The following SGCD variants were observed in gnomAD, a reference collection of about 807,000 sequenced individuals.
SGCD encodes delta-sarcoglycan.
In SGCD, 18 loss-of-function variants were observed where a neutral mutation model predicts 36.6. The observed-to-expected ratio is 0.49, with a 90% CI of 0.34 to 0.73. The LOEUF is 0.73. SGCD is among the 30% of genes least tolerant of loss of function. The pLI is 0.01. For missense variants in SGCD, 387 were observed against 346.7 expected, an observed-to-expected ratio of 1.12 and a Z score of -0.92; for synonymous variants, 133 against 130.6, an observed-to-expected ratio of 1.02 and a Z score of -0.12.
At chr5:156,503,597 C>T (rs4588577) in intron 3 of SGCD, among the ~76,000 whole-genome samples, 23,347 of 151,980 alleles carry the variant, frequency 0.15, 2,229 homozygotes, top group East Asian at 0.23. Context: ...CTAATGACTA[C>T]GAATGTAAAG....
At chr5:156,049,501 T>C (rs1759860889) in intron 1 of SGCD, among the ~76,000 whole-genome samples, 1 of 146,122 alleles carries the variant, frequency 6.8e-6, no homozygotes, top group South Asian at 2.1e-4. Context: ...TTTATTTAAT[T>C]GAGCAGTGGT....
At chr5:155,899,276 A>C (rs1046295176) in intron 1 of SGCD, among the ~76,000 whole-genome samples, 4 of 152,236 alleles carry the variant, frequency 2.6e-5, no homozygotes, top group African/African-American at 9.6e-5. Context: ...TTTTCCCTGG[A>C]AATTAACTTT....
intron 6 of SGCD, among the ~76,000 whole-genome samples, chr5:156,614,304 G>C (rs377232253): frequency 3.9e-5 from 6 of 152,242 alleles, no homozygotes; most frequent in East Asian, 1.9e-4. Context: ...ATAATAACTT[G>C]TCCAAAGTTC....
chr5:156,174,971 A>C (rs1463586630), intron 3 of SGCD, among the ~76,000 whole-genome samples: 1 of 152,230 alleles, frequency 6.6e-6, no homozygotes, highest in African/African-American at 2.4e-5. Context: ...GATTTTAAAA[A>C]AAAGATCAAA....
At chr5:156,743,108 C>CT (rs56296250) in intron 7 of SGCD, among the ~76,000 whole-genome samples, 25 of 110,328 alleles carry the variant, frequency 2.3e-4, no homozygotes, top group South Asian at 6.1e-4. Context: ...CTTCCTACAT[C>CT]TTTTTTTTTT....
At chr5:156,330,064 G>A (rs546522641) in intron 2 of SGCD, among the ~76,000 whole-genome samples, 1 of 148,216 alleles carries the variant, frequency 6.7e-6, no homozygotes, top group Admixed American at 6.7e-5. Context: ...ATACTACATC[G>A]TTGGTTGTAC....
At chr5:156,025,694 G>A (rs1372966481) in intron 1 of SGCD, among the ~76,000 whole-genome samples, 1 of 152,118 alleles carries the variant, frequency 6.6e-6, no homozygotes, top group Non-Finnish European at 1.5e-5. Flanking sequence ...GTATTATGTT[G>A]TATTATTTTG....
chr5:156,573,593 G>A (rs1235017757), intron 4 of SGCD, among the ~76,000 whole-genome samples: 3 of 152,136 alleles, frequency 2.0e-5, no homozygotes, highest in Admixed American at 6.6e-5. Flanking sequence ...CTATGGAACC[G>A]TCAGACACCT....
At chr5:156,279,979 A>G (rs1170080544) in intron 3 of SGCD, among the ~76,000 whole-genome samples, 1 of 150,970 alleles carries the variant, frequency 6.6e-6, no homozygotes, top group Non-Finnish European at 1.5e-5. Flanking sequence ...TGAAACACAC[A>G]TACAAACACA....
chr5:156,142,805 C>G (rs1208104942), intron 3 of SGCD, among the ~76,000 whole-genome samples: 1 of 152,082 alleles, frequency 6.6e-6, no homozygotes, highest in African/African-American at 2.4e-5. Context: ...AATAAATGAC[C>G]TGAAACTGGA....
chr5:156,113,348 T>TA (rs1761834642), intron 1 of SGCD, among the ~76,000 whole-genome samples: 2 of 152,182 alleles, frequency 1.3e-5, no homozygotes, highest in African/African-American at 4.8e-5. Context: ...TTTATTTATT[T>TA]ATCTGGCACA....
intron 1 of SGCD, among the ~76,000 whole-genome samples, chr5:155,939,439 G>C (rs184628944): frequency 6.6e-6 from 1 of 151,970 alleles, no homozygotes; most frequent in Non-Finnish European, 1.5e-5. Context: ...TCAGGAGTTC[G>C]AGACAAGCCT....
At chr5:156,457,216 A>G (rs1359956206) in intron 3 of SGCD, among the ~76,000 whole-genome samples, 2 of 152,208 alleles carry the variant, frequency 1.3e-5, no homozygotes, top group Non-Finnish European at 2.9e-5. Context: ...AAAAATACAA[A>G]TATTTCTAAA....
the SGCD span, among the ~76,000 whole-genome samples, chr5:155,829,599 G>T: frequency 6.6e-6 from 1 of 152,268 alleles, no homozygotes; most frequent in East Asian, 1.9e-4. Context: ...GAGGCTGCTG[G>T]GAAACAAATG....
At chr5:156,038,118 T>A (rs1759544167) in intron 1 of SGCD, among the ~76,000 whole-genome samples, 1 of 152,184 alleles carries the variant, frequency 6.6e-6, no homozygotes, top group Non-Finnish European at 1.5e-5. Flanking sequence ...ACCTTTCTTA[T>A]AACACCCAGA....
chr5:156,759,171 A>G (rs1255136391), intron 8 of SGCD, 46 bp from the exon 9 acceptor site: 1 of 1,474,080 alleles, frequency 6.8e-7, no homozygotes, highest in Non-Finnish European at 9.5e-7. Flanking sequence ...AAGAGAAGAG[A>G]CGACAGCCTC....
At chr5:156,484,181 G>A (rs776985331) in intron 3 of SGCD, among the ~76,000 whole-genome samples, 15 of 152,136 alleles carry the variant, frequency 9.9e-5, no homozygotes, top group South Asian at 2.1e-4. Context: ...AAAGGGAAAC[G>A]TGAAATAATC....
intron 3 of SGCD, among the ~76,000 whole-genome samples, chr5:156,224,577 G>A (rs1433121660): frequency 6.6e-6 from 1 of 152,052 alleles, no homozygotes; most frequent in Non-Finnish European, 1.5e-5. Context: ...AGTTTTATAA[G>A]AACCAGTAAG....
intron 1 of SGCD, among the ~76,000 whole-genome samples, chr5:156,086,515 G>T (rs1345597984): frequency 1.3e-5 from 2 of 152,306 alleles, no homozygotes; most frequent in East Asian, 1.9e-4. Flanking sequence ...GTGGTGAGGG[G>T]TTACAAGGCT....
Sources: allele counts gnomAD v4.1 joint callset (sites outside exome capture counted in the v4.1 genomes callset), GRCh38; gene constraint gnomAD v4.1.1; transcripts MANE v1.5; gene names NCBI Gene and HGNC (gene_info 2026-07-23, HGNC 2026-07-21).